The following RIMS2 variants were observed in gnomAD, a reference collection of about 807,000 sequenced individuals.
RIMS2 encodes regulating synaptic membrane exocytosis 2.
RIMS2 carries 59 observed loss-of-function variants against 174.4 expected under a neutral mutation model. The observed-to-expected ratio is 0.34, with a 90% CI of 0.27 to 0.42. The LOEUF is 0.42. RIMS2 is among the 10% of genes least tolerant of loss of function. The pLI is 1.00. For synonymous variants in RIMS2, 606 were observed against 572.5 expected (o/e 1.06, Z -0.84); for missense variants, 1,620 against 1,666.3 (o/e 0.97, Z 0.48).
intron 1 of RIMS2, among the ~76,000 whole-genome samples, chr8:103,545,876 C>T (rs1204251889): frequency 2.6e-5 from 4 of 152,178 alleles, no homozygotes; most frequent in Non-Finnish European, 4.4e-5. Flanking sequence ...ACCTACCTCT[C>T]TGATCCTTAA....
At chr8:104,216,031 C>G (rs2099128199) in intron 19 of RIMS2, among the ~76,000 whole-genome samples, 1 of 152,154 alleles carries the variant, frequency 6.6e-6, no homozygotes, top group African/African-American at 2.4e-5. Flanking sequence ...AATATACTTT[C>G]ATGGGTGGCC....
At chr8:103,500,990 A>G (rs746125329) in exon 1 of RIMS2, 4 of 1,611,300 alleles carry the variant, frequency 2.5e-6, no homozygotes, top group African/African-American at 1.3e-5. Context: ...CTCACGGAGG[A>G]GGAGAGGAAA....
chr8:104,173,039 C>T (rs145649003), intron 19 of RIMS2, among the ~76,000 whole-genome samples: 1 of 152,292 alleles, frequency 6.6e-6, no homozygotes, highest in Non-Finnish European at 1.5e-5. Context: ...AGTGTCCATA[C>T]ATTTGCTATC....
At chr8:103,653,911 A>G (rs995165368) in intron 1 of RIMS2, among the ~76,000 whole-genome samples, 2 of 152,232 alleles carry the variant, frequency 1.3e-5, no homozygotes, top group Admixed American at 6.5e-5. Context: ...TGCCTAATAC[A>G]TAGTAGGAAC....
intron 19 of RIMS2, 90 bp from the exon 23 acceptor site, chr8:104,068,422 G>T: frequency 1.7e-6 from 1 of 594,970 alleles, no homozygotes; most frequent in Non-Finnish European, 3.0e-6. Context: ...TAATATACCA[G>T]CCTGGCTTTT....
intron 3 of RIMS2, chr8:103,819,296 G>A: frequency 7.3e-7 from 1 of 1,378,934 alleles, no homozygotes; most frequent in Non-Finnish European, 9.4e-7. Context: ...GCCGAAAGCT[G>A]CACGGGTACT....
chr8:103,971,142 C>A (rs979248559), intron 15 of RIMS2, among the ~76,000 whole-genome samples: 2 of 152,086 alleles, frequency 1.3e-5, no homozygotes, highest in Non-Finnish European at 2.9e-5. Context: ...CAAACCTAGT[C>A]ATGTACAATT....
intron 19 of RIMS2, among the ~76,000 whole-genome samples, chr8:104,054,310 T>C (rs2096835561): frequency 6.6e-6 from 1 of 152,166 alleles, no homozygotes; most frequent in Non-Finnish European, 1.5e-5. Flanking sequence ...TTAGCTGCTC[T>C]CTGTAGTCAT....
At chr8:103,665,123 T>A (rs2096652466) in intron 1 of RIMS2, among the ~76,000 whole-genome samples, 1 of 152,146 alleles carries the variant, frequency 6.6e-6, no homozygotes, top group Non-Finnish European at 1.5e-5. Flanking sequence ...CCAGGGCCTG[T>A]CTGGGCATGG....
chr8:103,593,197 C>T (rs2094338521), intron 1 of RIMS2, among the ~76,000 whole-genome samples: 1 of 151,466 alleles, frequency 6.6e-6, no homozygotes, highest in Non-Finnish European at 1.5e-5. Flanking sequence ...ATGAATGTGA[C>T]AGTATCTGAA....
At chr8:103,514,490 A>C (rs1828007615) in intron 1 of RIMS2, among the ~76,000 whole-genome samples, 1 of 152,246 alleles carries the variant, frequency 6.6e-6, no homozygotes, top group African/African-American at 2.4e-5. Flanking sequence ...CTTAAGTTAC[A>C]AAATTCTAAG....
At chr8:103,872,859 C>T (rs2099119036) in intron 3 of RIMS2, among the ~76,000 whole-genome samples, 1 of 152,092 alleles carries the variant, frequency 6.6e-6, no homozygotes, top group African/African-American at 2.4e-5. Flanking sequence ...ACACTGCTGC[C>T]CTGAATAAAA....
At chr8:103,606,457 C>A (rs1271549252) in intron 1 of RIMS2, among the ~76,000 whole-genome samples, 4 of 152,098 alleles carry the variant, frequency 2.6e-5, no homozygotes, top group South Asian at 4.2e-4. Flanking sequence ...TGGTGTGGTG[C>A]TGAAAAAAAT....
At chr8:104,087,522 G>A (rs1298654889) in intron 19 of RIMS2, among the ~76,000 whole-genome samples, 1 of 152,110 alleles carries the variant, frequency 6.6e-6, no homozygotes, top group Non-Finnish European at 1.5e-5. Context: ...ACTTCACAGA[G>A]GAGGTGACAT....
intron 1 of RIMS2, among the ~76,000 whole-genome samples, chr8:103,636,408 C>G (rs370601037): frequency 3.8e-4 from 58 of 152,214 alleles, no homozygotes; most frequent in African/African-American, 1.3e-3. Context: ...CCATGTAGCT[C>G]TTTTTGTCAG....
chr8:104,244,513 G>A (rs1372361411), intron 19 of RIMS2, among the ~76,000 whole-genome samples: 1 of 152,048 alleles, frequency 6.6e-6, no homozygotes, highest in East Asian at 1.9e-4. Flanking sequence ...TAAAAGAAAG[G>A]GAAAAATATG....
chr8:103,573,269 G>T (rs764163457), intron 1 of RIMS2, among the ~76,000 whole-genome samples: 1 of 151,238 alleles, frequency 6.6e-6, no homozygotes, highest in Non-Finnish European at 1.5e-5. Context: ...TCACTATGTT[G>T]GCCAGGCTGG....
At chr8:103,819,490 G>A in intron 3 of RIMS2, 3 of 1,598,040 alleles carry the variant, frequency 1.9e-6, no homozygotes, top group Non-Finnish European at 2.6e-6. Context: ...AAGAGAAGGG[G>A]AAAAAAAAAG....
intron 1 of RIMS2, among the ~76,000 whole-genome samples, chr8:103,556,264 G>A (rs956559790): frequency 3.5e-4 from 53 of 152,008 alleles, no homozygotes; most frequent in African/African-American, 1.3e-3. Flanking sequence ...ATTCTACAAT[G>A]TATACATATA....
Sources: gnomAD v4.1 joint callset for allele counts (sites outside exome capture counted in the v4.1 genomes callset) on GRCh38, gnomAD v4.1.1 for gene constraint, MANE v1.5 for transcripts, NCBI Gene and HGNC (gene_info 2026-07-23, HGNC 2026-07-21) for gene names.